Variants in LEPR observed in about 807,000 individuals in gnomAD.
LEPR encodes leptin receptor.
Under a neutral mutation model 114.7 loss-of-function variants are expected in LEPR, and 56 were observed. The ratio of observed to expected loss-of-function variants is 0.49; its 90% confidence interval spans 0.39 to 0.61. The LOEUF (loss-of-function observed/expected upper bound fraction) is 0.61, where lower values mean the gene tolerates loss of function less well. Among genes scored for constraint, LEPR ranks in the 20% least tolerant of loss-of-function variants. The pLI is 0.00. For synonymous variants in LEPR, 443 were observed against 461.4 expected, an observed-to-expected ratio of 0.96 and a Z score of 0.51; for missense variants, 1,202 against 1,352.9, an observed-to-expected ratio of 0.89 and a Z score of 1.75.
intron 2 of LEPR, among the ~76,000 whole-genome samples, chr1:65,511,591 T>C (rs1649040214): frequency 6.6e-6 from 1 of 152,306 alleles, no homozygotes; most frequent in East Asian, 1.9e-4. Context: ...CTGATTTAAC[T>C]TGAAACTTTT....
At chr1:65,463,071 A>G (rs916651479) in intron 2 of LEPR, among the ~76,000 whole-genome samples, 1 of 152,226 alleles carries the variant, frequency 6.6e-6, no homozygotes, top group African/African-American at 2.4e-5. Flanking sequence ...ATCTTTGCCC[A>G]TGCCTATGTC....
Position 65,434,488 on chromosome 1 carries a change from A to G in LEPR, c.-21+9110A>G, listed in dbSNP as rs139480138. 8.6e-4 allele frequency: 852 copies of G among 985,272 alleles called. 6 individuals carry two copies. In the African/African-American group the frequency reaches 0.014, roughly 16 times the overall value. 61.0% of individuals were successfully genotyped at this position (985,272 alleles called of 1,614,324 possible). Reference sequence around the variant, plus strand: ...CAAGCAGACTTTGAGACACTTTTCCACAGAAACAATACTATGAATTGGTGA... The same window carrying G: ...CAAGCAGACTTTGAGACACTTTTCCGCAGAAACAATACTATGAATTGGTGA... On this transcript the variant is annotated intron_variant, in intron 2 of 19. Coordinates refer to ENST00000349533, the MANE Select transcript of LEPR (RefSeq NM_002303.6).
chr1:65,597,872 T>C (rs184782735), intron 7 of LEPR, among the ~76,000 whole-genome samples: 105 of 152,262 alleles, frequency 6.9e-4, no homozygotes, highest in African/African-American at 2.4e-3. Context: ...TCAGCTTTCT[T>C]ATCTGTAAAC....
chr1:65,495,750 G>A (rs1648123003), intron 2 of LEPR, among the ~76,000 whole-genome samples: 1 of 152,110 alleles, frequency 6.6e-6, no homozygotes, highest in South Asian at 2.1e-4. Context: ...GTCATTTGTG[G>A]CAACATGAAT....
At chr1:65,435,219 TC>T (rs1646541820) in intron 2 of LEPR, 1 of 985,338 alleles carries the variant, frequency 1.0e-6, no homozygotes, top group Non-Finnish European at 1.2e-6. Context: ...CATAGATTTT[TC>T]TTACTGTCCT....
In LEPR at chr1:65,540,479, A is replaced by T. The variant is rs891330482; in HGVS notation, c.-20-25067A>T. On this transcript the variant is annotated intron_variant, in intron 2 of 19. Transcript: ENST00000349533. ...GATCTGGTTGTTAAAGGAGCCTGGC[A>T]TCTTCTTCCACCCTCTCTTGCTCCC... Among the ~76,000 whole-genome samples, 3 of 151,974 alleles carry T rather than the reference A, an allele frequency of 2.0e-5. 1 individual carries two copies. Among genetic ancestry groups the T allele is most frequent in the South Asian group, 4.2e-4 (2 of 4,816 alleles).
chr1:65,601,653 A>G lies in LEPR; in HGVS notation c.1256A>G (p.His419Arg), dbSNP rs373207281. 6.2e-7 allele frequency: 1 copy of G among 1,613,714 alleles called. No homozygotes were observed. Among genetic ancestry groups the G allele is most frequent in the Non-Finnish European group, 8.5e-7 (1 of 1,179,734 alleles). ...TACTGCTGCAATGAACATGAATGCC[A>G]TCATCGCTATGCTGAATTATATGTG... ...AVYCCNEHEC[H>R]HRYAELYVID... The change falls in exon 9 of 20, where the codon CAT becomes CGT. Residue 419 changes from histidine (H) to arginine (R), a missense_variant. Physicochemically the swap from His to Arg is conservative, Grantham distance 29. Coordinates refer to ENST00000349533, the MANE Select transcript of LEPR (RefSeq NM_002303.6).
intron 2 of LEPR, among the ~76,000 whole-genome samples, chr1:65,491,769 A>T (rs924676042): frequency 3.3e-5 from 5 of 152,212 alleles, no homozygotes; most frequent in African/African-American, 9.6e-5. Context: ...ATTGAGTTTC[A>T]TTTTTACCAG....
chr1:65,603,948 T>C (rs1194695216), intron 10 of LEPR, among the ~76,000 whole-genome samples: 2 of 152,146 alleles, frequency 1.3e-5, no homozygotes, highest in East Asian at 3.8e-4. Flanking sequence ...TATTAACTTA[T>C]ATTAATTTGA....
At chr1:65,525,672 C>G (rs1013451316) in intron 2 of LEPR, 2 of 985,648 alleles carry the variant, frequency 2.0e-6, no homozygotes, top group Non-Finnish European at 2.4e-6. Flanking sequence ...CTCCTCCTCT[C>G]CTGAGAGTTG....
intron 2 of LEPR, among the ~76,000 whole-genome samples, chr1:65,545,156 A>G (rs1372169398): frequency 7.0e-6 from 1 of 142,824 alleles, no homozygotes; most frequent in Non-Finnish European, 1.5e-5. Flanking sequence ...TTATGGCTGC[A>G]TAGTATTCCA....
intron 3 of LEPR, among the ~76,000 whole-genome samples, chr1:65,567,936 A>T (rs985122436): frequency 1.3e-5 from 2 of 151,592 alleles, no homozygotes; most frequent in Non-Finnish European, 2.9e-5. Context: ...TCCATAGTTT[A>T]CATTATGGTT....
At chr1:65,583,792 C>T (rs754528130) in intron 5 of LEPR, among the ~76,000 whole-genome samples, 4 of 151,682 alleles carry the variant, frequency 2.6e-5, no homozygotes, top group South Asian at 2.1e-4. Flanking sequence ...GAAACAGACC[C>T]GGAAATGACA....
chr1:65,573,218 T>C (rs1327116823), intron 5 of LEPR, among the ~76,000 whole-genome samples: 1 of 152,198 alleles, frequency 6.6e-6, no homozygotes, highest in East Asian at 1.9e-4. Context: ...GTTATATGCC[T>C]GCGCACTACT....
intron 2 of LEPR, among the ~76,000 whole-genome samples, chr1:65,516,662 AT>A (rs1404914574): frequency 6.6e-6 from 1 of 152,248 alleles, no homozygotes; most frequent in Non-Finnish European, 1.5e-5. Flanking sequence ...CCATTATTTA[AT>A]TAAACAGTTA....
At chr1:65,494,096 A>G (rs1648022555) in intron 2 of LEPR, 1 of 152,160 alleles carries the variant, frequency 6.6e-6, no homozygotes, top group South Asian at 2.1e-4. Context: ...TATTTTAAGA[A>G]GGCAGCAAGC....
chr1:65,604,318 T>C (rs1374510901), intron 10 of LEPR, among the ~76,000 whole-genome samples: 1 of 152,048 alleles, frequency 6.6e-6, no homozygotes, highest in Non-Finnish European at 1.5e-5. Flanking sequence ...AAATTGTCTG[T>C]ATTTTATTTA....
chr1:65,432,737 G>C lies in LEPR; in HGVS notation c.-21+7359G>C, dbSNP rs145686430. 34 of 651,406 alleles carry C rather than the reference G, an allele frequency of 5.2e-5. No individual in the cohort carries two copies. In the East Asian group the frequency reaches 4.2e-3, roughly 81 times the overall value. The allele number at this position is 651,406 out of a possible 1,614,324, so 40.4% of individuals were successfully genotyped here. ...GGAATAAGTGTGATTTTTTTTTAAA[G>C]ATCACTTGCACAGCATGCTAAATAT... On this transcript the variant is annotated intron_variant, in intron 2 of 19. Coordinates refer to ENST00000349533, the MANE Select transcript of LEPR (RefSeq NM_002303.6).
chr1:65,489,885 A>G (rs1475131201), intron 2 of LEPR, among the ~76,000 whole-genome samples: 3 of 152,096 alleles, frequency 2.0e-5, no homozygotes, highest in African/African-American at 7.2e-5. Context: ...AGGGGACTTG[A>G]TAAAGAAGGC....
Sources: gnomAD v4.1 joint callset for allele counts (sites outside exome capture counted in the v4.1 genomes callset) on GRCh38, gnomAD v4.1.1 for gene constraint, MANE v1.5 for transcripts, NCBI Gene and HGNC (gene_info 2026-07-23, HGNC 2026-07-21) for gene names.